RANBP2: variants seen among roughly 807,000 people sequenced by gnomAD.
RANBP2 encodes the protein E3 SUMO-protein ligase RanBP2.
Under a neutral mutation model 303.6 loss-of-function variants are expected in RANBP2, and 57 were observed. That is an observed-to-expected ratio of 0.19 (90% CI 0.15 to 0.23). RANBP2 has a LOEUF of 0.23. Ranked by LOEUF, RANBP2 falls within the 10% of genes least tolerant of loss-of-function variation. The probability of loss-of-function intolerance (pLI) is 1.00; values close to 1 mark genes in which losing one functional copy is unlikely to be tolerated. For missense variants in RANBP2, 3,138 were observed against 3,780.8 expected, an observed-to-expected ratio of 0.83 and a Z score of 4.46; for synonymous variants, 1,167 against 1,301.5, an observed-to-expected ratio of 0.90 and a Z score of 2.23.
At chr2:108,744,422 A>G (rs1164465488) in intron 7 of RANBP2, among the ~76,000 whole-genome samples, 2 of 152,118 alleles carry the variant, frequency 1.3e-5, no homozygotes, top group African/African-American at 4.8e-5. Flanking sequence ...AAAAAAAGGA[A>G]ATAGTGAATT....
At chr2:109,454,883 T>A in the RANBP2 span, among the ~76,000 whole-genome samples, 1 of 152,032 alleles carries the variant, frequency 6.6e-6, no homozygotes, top group Non-Finnish European at 1.5e-5. Context: ...GCCAGTAAGT[T>A]TTCACTCTCA....
the RANBP2 span, among the ~76,000 whole-genome samples, chr2:108,797,893 A>G: frequency 1.3e-5 from 2 of 151,846 alleles, no homozygotes; most frequent in Non-Finnish European, 2.9e-5. Context: ...AGATTTTTGG[A>G]CTGCATTGAG....
At chr2:109,338,580 C>T in the RANBP2 span, among the ~76,000 whole-genome samples, 1 of 152,138 alleles carries the variant, frequency 6.6e-6, no homozygotes, top group Non-Finnish European at 1.5e-5. Context: ...TTTTTTGAGA[C>T]AGAACCTCAC....
the RANBP2 span, among the ~76,000 whole-genome samples, chr2:109,603,089 AC>A: frequency 1.6e-4 from 24 of 151,936 alleles, no homozygotes; most frequent in Non-Finnish European, 2.9e-4. Context: ...AACAAAAAAA[AC>A]AAAACAAAAA....
chr2:109,420,686 C>G, the RANBP2 span, among the ~76,000 whole-genome samples: 1 of 152,172 alleles, frequency 6.6e-6, no homozygotes, highest in East Asian at 1.9e-4. Context: ...ATCTCGTGAT[C>G]CGCCCGCCTT....
the RANBP2 span, among the ~76,000 whole-genome samples, chr2:109,598,581 G>A: frequency 6.6e-6 from 1 of 151,638 alleles, no homozygotes; most frequent in African/African-American, 2.4e-5. Flanking sequence ...GGTGGCTCAT[G>A]CCTGTAATCT....
chr2:109,062,524 C>T, the RANBP2 span, among the ~76,000 whole-genome samples: 4 of 152,144 alleles, frequency 2.6e-5, no homozygotes, highest in African/African-American at 9.7e-5. Context: ...CCTGAGTCAT[C>T]ACCACTCAGA....
the RANBP2 span, among the ~76,000 whole-genome samples, chr2:109,162,375 T>G: frequency 6.6e-6 from 1 of 152,348 alleles, no homozygotes; most frequent in East Asian, 1.9e-4. Flanking sequence ...TTTTCCCCTC[T>G]TAGGGCTCCT....
At chr2:109,454,182 TAGG>T in the RANBP2 span, among the ~76,000 whole-genome samples, 3 of 152,196 alleles carry the variant, frequency 2.0e-5, no homozygotes, top group Non-Finnish European at 2.9e-5. Context: ...CATAATAAAA[TAGG>T]AGGAAATACT....
the RANBP2 span, among the ~76,000 whole-genome samples, chr2:109,022,660 A>G: frequency 2.6e-5 from 4 of 152,288 alleles, no homozygotes; most frequent in Non-Finnish European, 4.4e-5. Flanking sequence ...CACACATGCT[A>G]TTCGGGTGAT....
At chr2:109,456,243 G>A in the RANBP2 span, among the ~76,000 whole-genome samples, 14 of 152,196 alleles carry the variant, frequency 9.2e-5, no homozygotes, top group Admixed American at 2.6e-4. Flanking sequence ...AGAAGGGGTC[G>A]CAGAGTCAGC....
chr2:109,229,595 T>C, the RANBP2 span, among the ~76,000 whole-genome samples: 3 of 152,128 alleles, frequency 2.0e-5, no homozygotes, highest in Non-Finnish European at 2.9e-5. Context: ...GGCACACTCA[T>C]GAGCAAGTTG....
the RANBP2 span, among the ~76,000 whole-genome samples, chr2:109,441,518 C>A: frequency 1.3e-5 from 2 of 152,084 alleles, no homozygotes; most frequent in African/African-American, 4.8e-5. Context: ...AGATAAAAGA[C>A]AATTTTGAAA....
the RANBP2 span, among the ~76,000 whole-genome samples, chr2:108,877,206 G>A: frequency 1.3e-5 from 2 of 152,050 alleles, no homozygotes; most frequent in African/African-American, 4.8e-5. Flanking sequence ...GGTGGCTTAC[G>A]CCTGTAATCC....
At chr2:108,775,588 G>A (rs1371406947) in intron 23 of RANBP2, 144 bp from the exon 24 acceptor site, 1 of 786,178 alleles carries the variant, frequency 1.3e-6, no homozygotes, top group East Asian at 2.7e-5. Context: ...TTAGTTATAG[G>A]TTTTGAGGAG....
chr2:108,974,497 C>CA, the RANBP2 span, among the ~76,000 whole-genome samples: 10 of 151,514 alleles, frequency 6.6e-5, no homozygotes, highest in Non-Finnish European at 1.0e-4. Context: ...TTTGGGAGGC[C>CA]AAGGGGGGTG....
chr2:109,033,289 CAG>C, the RANBP2 span, among the ~76,000 whole-genome samples: 1 of 152,176 alleles, frequency 6.6e-6, no homozygotes, highest in South Asian at 2.1e-4. Context: ...TTTTGTGAAA[CAG>C]AGACACTGAG....
At position 108,768,389 on chromosome 2, in the gene RANBP2, G is replaced by T. The variant is rs965969509; in HGVS notation, c.7849+1G>T. 1 of 1,610,972 alleles carries T rather than the reference G, an allele frequency of 6.2e-7. No homozygotes were observed. Among genetic ancestry groups the T allele is most frequent in the African/African-American group, 1.3e-5 (1 of 74,836 alleles). ...TACACATTTAAAACACCAGAAAAGGGTAAGTACTTTGTTGTTAAAGTTAAG... is the reference window on the plus strand; with the variant it reads ...TACACATTTAAAACACCAGAAAAGGTTAAGTACTTTGTTGTTAAAGTTAAG... On this transcript the variant is annotated splice_donor_variant, in intron 20 of 28. Coordinates refer to ENST00000283195, the MANE Select transcript of RANBP2 (RefSeq NM_006267.5). LOFTEE classifies it high-confidence loss of function.
chr2:109,467,097 T>G, the RANBP2 span, among the ~76,000 whole-genome samples: 1 of 152,262 alleles, frequency 6.6e-6, no homozygotes, highest in Non-Finnish European at 1.5e-5. Context: ...TCAGCAATTT[T>G]TTAAGAAGTT....
Sources: allele counts gnomAD v4.1 joint callset (sites outside exome capture counted in the v4.1 genomes callset), GRCh38; gene constraint gnomAD v4.1.1; transcripts MANE v1.5; gene names NCBI Gene and HGNC (gene_info 2026-07-23, HGNC 2026-07-21).